Variants in PLCZ1 observed in about 807,000 individuals in gnomAD.
PLCZ1 encodes phospholipase C zeta 1, also known as 1-phosphatidylinositol 4,5-bisphosphate phosphodiesterase zeta-1.
PLCZ1 carries 64 observed loss-of-function variants against 76.8 expected under a neutral mutation model. That is an observed-to-expected ratio of 0.83 (90% CI 0.68 to 1.03). The LOEUF (loss-of-function observed/expected upper bound fraction) is 1.03. Among genes scored for constraint, PLCZ1 ranks in the 50% least tolerant of loss-of-function variants. PLCZ1 has a pLI of 0.00. For missense variants in PLCZ1, 751 were observed against 713.7 expected (o/e 1.05, Z -0.60); for synonymous variants, 248 against 230.8 (o/e 1.07, Z -0.68).
At chr12:18,697,079 A>G (rs1362309578) in intron 10 of PLCZ1, among the ~76,000 whole-genome samples, 1 of 152,110 alleles carries the variant, frequency 6.6e-6, no homozygotes, top group African/African-American at 2.4e-5. Flanking sequence ...AAATTTTTGA[A>G]CACAAATTTC....
the PLCZ1 span, among the ~76,000 whole-genome samples, chr12:18,675,475 A>C: frequency 6.6e-6 from 1 of 152,206 alleles, no homozygotes; most frequent in Non-Finnish European, 1.5e-5. Flanking sequence ...TTCTCACAGA[A>C]CTAAAAGCAG....
chr12:18,694,435 T>A lies in PLCZ1; in HGVS notation c.1461+475A>T, dbSNP rs574670773. ...GAGAAAGACATATGGATAATTTTTC[T>A]TTTTAAGTAATCAAATGATATTCAC... On this transcript the variant is annotated intron_variant, in intron 12 of 14. Coordinates refer to ENST00000266505, the MANE Select transcript of PLCZ1 (RefSeq NM_033123.4). Among the ~76,000 whole-genome samples the A allele has an allele frequency of 2.3e-3, 348 of 152,290 alleles. 1 individual carries two copies. The highest frequency in any genetic ancestry group is 3.2e-3 in the Non-Finnish European group (219 of 68,018).
intron 13 of PLCZ1, chr12:18,685,425 T>G (rs1952960785): frequency 5.0e-6 from 1 of 199,268 alleles, no homozygotes; most frequent in South Asian, 8.8e-5. Context: ...ATCATGTGTA[T>G]TATTTTTCAT....
At chr12:18,662,876 C>T in the PLCZ1 span, among the ~76,000 whole-genome samples, 6 of 152,102 alleles carry the variant, frequency 3.9e-5, no homozygotes, top group African/African-American at 1.4e-4. Context: ...TGAGAAAATA[C>T]TTAAAACATT....
chr12:18,693,568 CA>C, intron 12 of PLCZ1: 2 of 1,600,338 alleles, frequency 1.2e-6, no homozygotes, highest in Non-Finnish European at 1.7e-6. Context: ...GTGATGGGCC[CA>C]AACTCGGACG....
the PLCZ1 span, among the ~76,000 whole-genome samples, chr12:18,662,167 A>G: frequency 2.0e-5 from 3 of 152,048 alleles, no homozygotes; most frequent in Non-Finnish European, 4.4e-5. Context: ...AAAACCACCC[A>G]CTGGAGTTAA....
chr12:18,714,207 G>C (rs551509014), intron 5 of PLCZ1, among the ~76,000 whole-genome samples: 1 of 152,108 alleles, frequency 6.6e-6, no homozygotes, highest in African/African-American at 2.4e-5. Flanking sequence ...ATAGCGTTAA[G>C]ATAATTCTTT....
chr12:18,666,653 G>C, the PLCZ1 span, among the ~76,000 whole-genome samples: 1 of 152,152 alleles, frequency 6.6e-6, no homozygotes, highest in Non-Finnish European at 1.5e-5. Flanking sequence ...ATAGGAAAAA[G>C]TACTAGACGA....
chr12:18,650,740 A>C, the PLCZ1 span, among the ~76,000 whole-genome samples: 13 of 32,326 alleles, frequency 4.0e-4, no homozygotes, highest in Non-Finnish European at 6.1e-4. Flanking sequence ...ATATATATAT[A>C]TATATATATA....
chr12:18,733,988 T>C (rs1463707361), intron 3 of PLCZ1, among the ~76,000 whole-genome samples: 1 of 152,208 alleles, frequency 6.6e-6, no homozygotes, highest in African/African-American at 2.4e-5. Context: ...GGATTGTTTC[T>C]TCTGTTTCTG....
At chr12:18,737,911 A>G in intron 1 of PLCZ1, 21 bp downstream of exon 1, 2 of 302,116 alleles carry the variant, frequency 6.6e-6, no homozygotes, top group South Asian at 1.1e-4. Flanking sequence ...TTGACAACAT[A>G]TAATGCACAC....
At chr12:18,661,080 G>A in the PLCZ1 span, among the ~76,000 whole-genome samples, 1 of 152,020 alleles carries the variant, frequency 6.6e-6, no homozygotes, top group Admixed American at 6.6e-5. Flanking sequence ...ATGAACTTGA[G>A]GACAGAACAA....
At chr12:18,708,307 C>T (rs376167426) in intron 6 of PLCZ1, among the ~76,000 whole-genome samples, 1 of 152,144 alleles carries the variant, frequency 6.6e-6, no homozygotes, top group Admixed American at 6.5e-5. Context: ...TTTCACTTAA[C>T]ATAATGTCCT....
At chr12:18,733,683 G>A (rs1392384531) in intron 3 of PLCZ1, among the ~76,000 whole-genome samples, 4 of 151,978 alleles carry the variant, frequency 2.6e-5, no homozygotes, top group Admixed American at 6.6e-5. Flanking sequence ...TTTTACATGC[G>A]AATATCCAGT....
At chr12:18,698,396 CA>C (rs1309621165) in intron 10 of PLCZ1, among the ~76,000 whole-genome samples, 4 of 151,894 alleles carry the variant, frequency 2.6e-5, no homozygotes, top group African/African-American at 9.7e-5. Context: ...GGTTACAACA[CA>C]CAGGTTAAAA....
rs564422651 is a variant in PLCZ1, at chr12:18,731,282, A to G, written c.135+4939T>C. On this transcript the variant is annotated intron_variant, in intron 3 of 14. Transcript: ENST00000266505. ...TTTCGTAAAGATACTGTCTCCTTCC[A>G]GAGGAAAAAAAGCAGTTTTGTTTAC... Among the ~76,000 whole-genome samples, 5 of 152,038 alleles carry G rather than the reference A, an allele frequency of 3.3e-5. No homozygotes were observed. The East Asian group carries it at 9.7e-4, about 29-fold the overall frequency.
intron 12 of PLCZ1, chr12:18,693,669 A>G (rs1393948888): frequency 1.5e-5 from 24 of 1,566,758 alleles, no homozygotes; most frequent in Middle Eastern, 1.7e-4. Context: ...TATGACTCCA[A>G]TTCTGGTGGT....
chr12:18,683,452 C>A (rs1591958027), intron 14 of PLCZ1, 128 bp from the exon 15 acceptor site: 1 of 1,433,420 alleles, frequency 7.0e-7, no homozygotes, highest in East Asian at 2.4e-5. Flanking sequence ...AGTTATATTC[C>A]CATCTGGTAT....
At chr12:18,707,222 T>TA (rs1305065388) in intron 6 of PLCZ1, among the ~76,000 whole-genome samples, 1 of 152,204 alleles carries the variant, frequency 6.6e-6, no homozygotes, top group Non-Finnish European at 1.5e-5. Context: ...TTCCAGGAAT[T>TA]AAAACTTAAT....
Sources: gnomAD v4.1 joint callset for allele counts (sites outside exome capture counted in the v4.1 genomes callset) on GRCh38, gnomAD v4.1.1 for gene constraint, MANE v1.5 for transcripts, NCBI Gene and HGNC (gene_info 2026-07-23, HGNC 2026-07-21) for gene names.